Variants in F8 observed in about 807,000 individuals in gnomAD.
F8 encodes the protein antihemophilic factor.
F8 carries 12 observed loss-of-function variants against 140.6 expected under a neutral mutation model. The ratio of observed to expected loss-of-function variants is 0.09; its 90% CI spans 0.05 to 0.14. The LOEUF (loss-of-function observed/expected upper bound fraction) is 0.14, where lower values mean the gene tolerates loss of function less well. Among genes scored for constraint, F8 ranks in the 10% least tolerant of loss-of-function variants. F8 has a pLI of 1.00. For missense variants in F8, 1,354 were observed against 1,720.7 expected (o/e 0.79, Z 3.77); for synonymous variants, 585 against 614.6 (o/e 0.95, Z 0.71).
rs1258584071 is a variant in F8, at chrX:154,966,152, G to GA, written c.1272-12dup. ...TGACTTTTATAACTTCTGTATAAGAGAAAAAAAGATGAGAGGTTGGGAAGA... is the reference window on the plus strand; with the variant it reads ...TGACTTTTATAACTTCTGTATAAGAGAAAAAAAAGATGAGAGGTTGGGAAGA... On this transcript the variant is annotated splice_polypyrimidine_tract_variant and intron_variant, in intron 8 of 25. Coordinates refer to ENST00000360256, the MANE Select transcript of F8 (RefSeq NM_000132.4). The GA allele has an allele frequency of 3.3e-6, 4 of 1,200,491 alleles. No homozygotes were observed. The highest frequency in any genetic ancestry group is 3.6e-5 in the South Asian group (2 of 55,628).
chrX:154,945,989 T>C (rs2073301925), intron 13 of F8, among the ~76,000 whole-genome samples: 1 of 111,323 alleles, frequency 9.0e-6, no homozygotes, highest in South Asian at 3.7e-4. Flanking sequence ...TCATTTACAA[T>C]AGCTATAATA....
intron 10 of F8, 89 bp downstream of exon 10, chrX:154,960,986 G>C (rs2073392384): frequency 3.2e-6 from 2 of 629,465 alleles, no homozygotes; most frequent in South Asian, 4.7e-5. Context: ...GCTGGAGAAA[G>C]GACCAACATA....
intron 14 of F8, among the ~76,000 whole-genome samples, chrX:154,924,994 G>A (rs1288692434): frequency 8.9e-6 from 1 of 112,132 alleles, no homozygotes; most frequent in Admixed American, 9.4e-5. Flanking sequence ...GTGATGGGAG[G>A]GGCTGGTGTG....
intron 4 of F8, 72 bp downstream of exon 4, chrX:154,992,863 CT>C: frequency 3.0e-6 from 3 of 988,830 alleles, no homozygotes; most frequent in Non-Finnish European, 4.3e-6. Flanking sequence ...CAAATGCTAA[CT>C]GTTATAGATA....
intron 25 of F8, among the ~76,000 whole-genome samples, chrX:154,855,367 T>C (rs1000248634): frequency 1.8e-5 from 2 of 111,636 alleles, no homozygotes; most frequent in African/African-American, 6.5e-5. Context: ...ATGTATGCCC[T>C]GAAGGAGACC....
chrX:154,896,203 G>A lies in F8; in HGVS notation c.6303C>T (p.His2101=), dbSNP rs375301013. ...KVDLLAPMII[H]GIKTQGARQK... is the part of the protein sequence containing the mutation. The stretch of plus-strand genomic sequence containing the variant: ...GACGGGCACCCTGGGTCTTGATGCC[G>A]TGAATAATCATTGGTGCCAACAGAT... Residue 2101 remains histidine, a synonymous_variant, in exon 22 of 26, where the codon CAC becomes CAT. Coordinates refer to ENST00000360256, the MANE Select transcript of F8 (RefSeq NM_000132.4). 2.6e-5 allele frequency: 32 copies of A among 1,208,949 alleles called. No individual in the cohort carries two copies. Among genetic ancestry groups the A allele is most frequent in the Admixed American group, 8.7e-5 (4 of 45,718 alleles).
rs782166477 is a variant in F8, at chrX:154,928,778, C to T, written c.5012G>A (p.Arg1671His). The change falls in exon 14 of 26, where the codon CGT becomes CAT. Residue 1671 changes from arginine to histidine, a missense_variant. By Grantham distance (29) the Arg-to-His change is conservative (BLOSUM62 0). Transcript: ENST00000360256. ...CTCTTGATCTGACTGAAGAGTAGTA[C>T]GAGTTATTTCCCGTTGATGGCGTTT... ...VLKRHQREIT[R>H]TTLQSDQEEI... The T allele has an allele frequency of 1.1e-5, 13 of 1,211,206 alleles. No individual in the cohort carries two copies. Among genetic ancestry groups the T allele is most frequent in the Non-Finnish European group, 1.2e-5 (11 of 895,228 alleles).
At chrX:154,991,542 C>CT (rs1489376990) in intron 4 of F8, among the ~76,000 whole-genome samples, 2 of 111,932 alleles carry the variant, frequency 1.8e-5, no homozygotes, top group African/African-American at 6.5e-5. Context: ...GGAACTAGAA[C>CT]CTCTGTAGAC....
chrX:154,935,506 C>T (rs1190139509), intron 13 of F8, among the ~76,000 whole-genome samples: 1 of 111,458 alleles, frequency 9.0e-6, no homozygotes, highest in Non-Finnish European at 1.9e-5. Context: ...GAGGTTAGAC[C>T]TCTTCTTCAC....
At chrX:154,904,149 C>A in intron 17 of F8, 61 bp from the exon 18 acceptor site, 1 of 1,166,533 alleles carries the variant, frequency 8.6e-7, no homozygotes, top group East Asian at 3.0e-5. Flanking sequence ...TCTCTCCACT[C>A]CACCAAAAAA....
rs183409304 is a variant in F8, at chrX:154,976,135, T to G, written c.788-6583A>C. On this transcript the variant is annotated intron_variant, in intron 6 of 25. Transcript: ENST00000360256. ...GTCTCGAACTTCTGACTTCAGGTGA[T>G]CCACCCGCCTCAGCCTCCCAAAGTG... Among the ~76,000 whole-genome samples the G allele has an allele frequency of 7.4e-3, 826 of 112,165 alleles. 11 individuals are homozygous for G. Among genetic ancestry groups the G allele is most frequent in the African/African-American group, 0.024 (755 of 30,892 alleles).
In F8 at chrX:155,022,493, G is replaced by T. The variant is rs1557287596; in HGVS notation, c.60C>A (p.Ala20=). The T allele has an allele frequency of 8.3e-7, 1 of 1,210,823 alleles. No homozygotes were observed. The highest frequency in any genetic ancestry group is 1.8e-5 in the South Asian group (1 of 56,936). ...FLCLLRFCFS[A]TRRYYLGAVE... The stretch of plus-strand genomic sequence containing the variant: ...CTGCACCCAGGTAGTATCTTCTGGT[G>T]GCACTAAAGCAGAATCGCAAAAGGC... The change falls in exon 1 of 26, where the codon GCC becomes GCA. Residue 20 remains alanine, a synonymous_variant. Coordinates refer to ENST00000360256, the MANE Select transcript of F8 (RefSeq NM_000132.4).
chrX:154,879,125 C>A (rs1238199245), intron 22 of F8, among the ~76,000 whole-genome samples: 2 of 110,358 alleles, frequency 1.8e-5, no homozygotes, highest in African/African-American at 6.6e-5. Context: ...TTTTTTTTGG[C>A]AGAAATGGAA....
chrX:154,876,205 C>T (rs969672007), intron 22 of F8, among the ~76,000 whole-genome samples: 7 of 106,505 alleles, frequency 6.6e-5, no homozygotes, highest in African/African-American at 2.4e-4. Context: ...CTGCAAGCTC[C>T]GCCTCCCGGG....
At chrX:154,944,909 G>A (rs782690580) in intron 13 of F8, among the ~76,000 whole-genome samples, 30 of 110,238 alleles carry the variant, frequency 2.7e-4, no homozygotes, top group African/African-American at 9.6e-4. Flanking sequence ...CTCAGTAAAC[G>A]ATCGCAAGAA....
chrX:154,976,982 T>C (rs1157367184), intron 6 of F8, among the ~76,000 whole-genome samples: 1 of 111,416 alleles, frequency 9.0e-6, no homozygotes, highest in African/African-American at 3.3e-5. Flanking sequence ...CTTAATCTCT[T>C]CCCTTGTGGT....
chrX:154,877,518 A>G (rs1172596833), intron 22 of F8, among the ~76,000 whole-genome samples: 1 of 111,176 alleles, frequency 9.0e-6, no homozygotes, highest in Non-Finnish European at 1.9e-5. Context: ...TTTGAGAGGG[A>G]GTCTCACTCT....
Position 154,864,377 on chromosome X carries a change from C to T in F8, c.6430-1150G>A, listed in dbSNP as rs959087629. On this transcript the variant is annotated intron_variant, in intron 22 of 25. Coordinates refer to ENST00000360256, the MANE Select transcript of F8 (RefSeq NM_000132.4). Reference sequence around the variant, plus strand: ...TCAGACCAGAAGAGGTGTCAGCTCACTCCAATGCACAGATACCAATGCTAG... The same window carrying T: ...TCAGACCAGAAGAGGTGTCAGCTCATTCCAATGCACAGATACCAATGCTAG... Among the ~76,000 whole-genome samples the T allele has an allele frequency of 1.3e-4, 15 of 112,513 alleles. No individual in the cohort carries two copies. The Admixed American group carries it at 1.4e-3, about 11-fold the overall frequency.
chrX:154,841,561 A>T (rs1306019284), intron 25 of F8, among the ~76,000 whole-genome samples: 2 of 111,155 alleles, frequency 1.8e-5, no homozygotes, highest in East Asian at 5.6e-4. Context: ...AGCTTGAAAA[A>T]TTTTAAAAAT....
Sources: gnomAD v4.1 joint callset for allele counts (sites outside exome capture counted in the v4.1 genomes callset) on GRCh38, gnomAD v4.1.1 for gene constraint, MANE v1.5 for transcripts, NCBI Gene and HGNC (gene_info 2026-07-23, HGNC 2026-07-21) for gene names.